The following ECE1 variants were observed in gnomAD, a reference collection of about 807,000 sequenced individuals.
ECE1 encodes the protein endothelin-converting enzyme 1.
In ECE1, 35 loss-of-function variants were observed where a neutral mutation model predicts 98.6. The observed-to-expected ratio is 0.35, with a 90% CI of 0.27 to 0.47. The LOEUF (loss-of-function observed/expected upper bound fraction) is 0.47, where lower values mean the gene tolerates loss of function less well. ECE1 is among the 20% of genes least tolerant of loss of function. The probability of loss-of-function intolerance (pLI) is 1.00; values close to 1 mark genes in which losing one functional copy is unlikely to be tolerated. For synonymous variants in ECE1, 394 were observed against 407.1 expected (o/e 0.97, Z 0.39); for missense variants, 814 against 1,025.3 (o/e 0.79, Z 2.81).
At chr1:21,255,169 G>A (rs1002240377) in intron 8 of ECE1, among the ~76,000 whole-genome samples, 29 of 152,132 alleles carry the variant, frequency 1.9e-4, no homozygotes, top group Admixed American at 1.8e-3. Context: ...GGTCAAATTC[G>A]GCTGGTCACA....
At chr1:21,239,345 C>G (rs761430596) in intron 10 of ECE1, among the ~76,000 whole-genome samples, 2 of 152,144 alleles carry the variant, frequency 1.3e-5, no homozygotes, top group Non-Finnish European at 2.9e-5. Flanking sequence ...GTGTGGTGGC[C>G]CTGCTCACAT....
intron 1 of ECE1, among the ~76,000 whole-genome samples, chr1:21,318,129 T>C (rs1230789717): frequency 1.3e-5 from 2 of 152,180 alleles, no homozygotes; most frequent in African/African-American, 4.8e-5. Context: ...GCTGTTGGAC[T>C]CGGAGATGAA....
chr1:21,294,851 T>C (rs888122989), upstream of ECE1, among the ~76,000 whole-genome samples: 2 of 152,218 alleles, frequency 1.3e-5, no homozygotes, highest in Non-Finnish European at 2.9e-5. The surrounding 1 kb of genome is among the most constrained non-coding windows in gnomAD (Gnocchi z 4.2). Context: ...CCACAGCTAC[T>C]TTCACATTGT....
intron 1 of ECE1, among the ~76,000 whole-genome samples, chr1:21,310,491 G>C (rs1455880353): frequency 6.6e-6 from 1 of 152,178 alleles, no homozygotes; most frequent in Non-Finnish European, 1.5e-5. Flanking sequence ...GCTAAACTCA[G>C]TAGGCGTGTC....
intron 8 of ECE1, among the ~76,000 whole-genome samples, chr1:21,250,094 T>G (rs772550958): frequency 2.6e-5 from 4 of 152,090 alleles, no homozygotes; most frequent in Non-Finnish European, 5.9e-5. Context: ...GATTTCATCT[T>G]GCAAATGTGA....
Position 21,272,902 on chromosome 1 carries a change from G to A in ECE1, c.290C>T (p.Ser97Phe), listed in dbSNP as rs746849785. 1.9e-6 allele frequency: 3 copies of A among 1,614,056 alleles called. No homozygotes were observed. The highest frequency in any genetic ancestry group is 2.7e-5 in the African/African-American group (2 of 74,946). The change falls in exon 4 of 19, where the codon TCT becomes TTT. Residue 97 changes from serine to phenylalanine, a missense_variant. Ser to Phe is a radical substitution (Grantham distance 155). Transcript: ENST00000374893. ...GACACAAGCTTCGCTCAGGCACACAGAGGGGGATCCTGGAAGGGTTAAGGA... is the reference window on the plus strand; with the variant it reads ...GACACAAGCTTCGCTCAGGCACACAAAGGGGGATCCTGGAAGGGTTAAGGA... ...LGIQYQTRSP[S>F]VCLSEACVSV...
chr1:21,316,711 G>C (rs1638839723), intron 1 of ECE1, among the ~76,000 whole-genome samples: 1 of 152,166 alleles, frequency 6.6e-6, no homozygotes, highest in Non-Finnish European at 1.5e-5. Flanking sequence ...CCCATCTATA[G>C]GAGCCTGGAT....
At chr1:21,297,223 G>A (rs367949238) in intron 1 of ECE1, among the ~76,000 whole-genome samples, 4 of 152,294 alleles carry the variant, frequency 2.6e-5, no homozygotes, top group East Asian at 1.9e-4. Context: ...GGGGGGCACC[G>A]GGAATCTTAC....
At chr1:21,250,394 C>A (rs1465670492) in intron 8 of ECE1, among the ~76,000 whole-genome samples, 2 of 152,196 alleles carry the variant, frequency 1.3e-5, no homozygotes, top group African/African-American at 2.4e-5. Flanking sequence ...ACTGCTACAG[C>A]AAAAATGCCT....
intron 1 of ECE1, among the ~76,000 whole-genome samples, chr1:21,321,788 G>C (rs1638971568): frequency 6.6e-6 from 1 of 152,166 alleles, no homozygotes; most frequent in South Asian, 2.1e-4. Context: ...GCTAATTTTT[G>C]TATTTTTAGT....
At chr1:21,289,809 C>T (rs2098264450) in intron 2 of ECE1, among the ~76,000 whole-genome samples, 1 of 151,984 alleles carries the variant, frequency 6.6e-6, no homozygotes, top group South Asian at 2.1e-4. Context: ...AACTCTGCCA[C>T]CTGGGCTGTG....
chr1:21,245,059 C>T lies in ECE1; in HGVS notation c.1208G>A (p.Ser403Asn), dbSNP rs766451765. 1 of 1,614,206 alleles carries T rather than the reference C, an allele frequency of 6.2e-7. No individual in the cohort carries two copies. The highest frequency in any genetic ancestry group is 8.5e-7 in the Non-Finnish European group (1 of 1,180,032). Residue 403 changes from serine (S) to asparagine (N), a missense_variant, in exon 10 of 19, where the codon AGC (serine) becomes AAC (asparagine). By Grantham distance (46) the Ser-to-Asn change is conservative. Coordinates refer to ENST00000374893, the MANE Select transcript of ECE1 (RefSeq NM_001397.3). ...YMIWNLVRKT[S>N]SFLDQRFQDA... ...CTGAAAGCGCTGGTCAAGGAAGGAG[C>T]TTGTTTTCCGCACCAGGTTCCAGAT...
At position 21,319,905 on chromosome 1, in the gene ECE1, A is replaced by C. The variant is rs1638925266; in HGVS notation, c.3+25471T>G. Among the ~76,000 whole-genome samples the C allele has an allele frequency of 6.6e-6, 1 of 151,756 alleles. No individual in the cohort carries two copies. The highest frequency in any genetic ancestry group is 2.1e-4 in the South Asian group (1 of 4,798). ...TTGAGTCCACAGGTGTCCCCACCCC[A>C]CTCCAGATCTTCTGTTTACACTCGG... is the stretch of plus-strand genomic sequence containing the variant. On this transcript the variant is annotated intron_variant, in intron 1 of 18. Coordinates refer to the ECE1 transcript ENST00000415912. The surrounding 1 kb of genome is among the most constrained non-coding windows in gnomAD (Gnocchi z 4.4).
intron 1 of ECE1, among the ~76,000 whole-genome samples, chr1:21,323,520 A>C (rs915471025): frequency 2.6e-5 from 4 of 152,182 alleles, no homozygotes; most frequent in Non-Finnish European, 5.9e-5. Context: ...GCACTTTGGA[A>C]GGCTGAGATG....
chr1:21,290,806 T>C (rs2103362849), upstream of ECE1, among the ~76,000 whole-genome samples: 1 of 152,240 alleles, frequency 6.6e-6, no homozygotes, highest in Admixed American at 6.5e-5. The surrounding 1 kb of genome is among the most constrained non-coding windows in gnomAD (Gnocchi z 7.3). Flanking sequence ...TAGGTGTGTC[T>C]AGGGGGTTAA....
intron 10 of ECE1, among the ~76,000 whole-genome samples, chr1:21,243,769 A>G (rs2103256409): frequency 6.6e-6 from 1 of 152,384 alleles, no homozygotes; most frequent in Non-Finnish European, 1.5e-5. Flanking sequence ...AGGTAGATGC[A>G]GGAGGAGCAG....
At chr1:21,236,129 T>G (rs539774195) in intron 12 of ECE1, among the ~76,000 whole-genome samples, 12 of 152,366 alleles carry the variant, frequency 7.9e-5, no homozygotes, top group Non-Finnish European at 1.5e-4. Flanking sequence ...TAAATGTCAC[T>G]TTCCCAAGGG....
intron 1 of ECE1, among the ~76,000 whole-genome samples, chr1:21,325,893 T>G (rs895155947): frequency 6.6e-6 from 1 of 151,456 alleles, no homozygotes; most frequent in African/African-American, 2.4e-5. Context: ...GCTCAAGGGG[T>G]GCCCCGGCTG....
At chr1:21,329,691 T>C (rs889424296) in intron 1 of ECE1, among the ~76,000 whole-genome samples, 2 of 152,216 alleles carry the variant, frequency 1.3e-5, no homozygotes, top group Non-Finnish European at 2.9e-5. Flanking sequence ...CTGTGCCTCC[T>C]ACCTGCCACA....
Sources: allele counts gnomAD v4.1 joint callset (sites outside exome capture counted in the v4.1 genomes callset), GRCh38; gene constraint gnomAD v4.1.1; non-coding constraint Gnocchi (gnomAD v3.1); transcripts MANE v1.5; gene names NCBI Gene and HGNC (gene_info 2026-07-23, HGNC 2026-07-21).